The following NDE1 variants were observed in gnomAD, a reference collection of about 807,000 sequenced individuals.
The protein encoded by NDE1 is nudE neurodevelopment protein 1.
Under a neutral mutation model 43.4 loss-of-function variants are expected in NDE1, and 28 were observed. The observed-to-expected ratio is 0.65, with a 90% CI of 0.48 to 0.89. The LOEUF is 0.89. Ranked by LOEUF, NDE1 falls within the 40% of genes least tolerant of loss-of-function variation. NDE1 has a pLI of 0.00. For missense variants in NDE1, 441 were observed against 434.1 expected (o/e 1.02, Z -0.14); for synonymous variants, 184 against 172.0 (o/e 1.07, Z -0.55).
At chr16:15,677,708 C>T (rs147008245) in intron 3 of NDE1, 93 bp from the exon 4 acceptor site, 26 of 1,435,356 alleles carry the variant, frequency 1.8e-5, no homozygotes, top group East Asian at 9.2e-5. Flanking sequence ...TTTAGCCTCC[C>T]GAGTAGCTGT....
intron 3 of NDE1, among the ~76,000 whole-genome samples, 188 bp downstream of exon 3, chr16:15,667,627 GTTTTGTTTTT>G (rs1469430196): frequency 5.9e-4 from 67 of 113,144 alleles, no homozygotes; most frequent in African/African-American, 2.3e-3. Context: ...GGTGCTTTTT[GTTTTGTTTTT>G]TTTTTTTTTT....
chr16:15,694,352 TC>T (rs1188377438), intron 7 of NDE1, 96 bp downstream of exon 7: 136 of 1,550,566 alleles, frequency 8.8e-5, no homozygotes, highest in Middle Eastern at 7.6e-4. Flanking sequence ...CTTCTTTTTT[TC>T]TTTTTTTTTA....
At chr16:15,650,636 G>T (rs528980283) in intron 1 of NDE1, among the ~76,000 whole-genome samples, 1 of 152,264 alleles carries the variant, frequency 6.6e-6, no homozygotes, top group African/African-American at 2.4e-5. Flanking sequence ...CTCCTTCCGG[G>T]ACTTCCTGGG....
At chr16:15,705,596 T>C (rs1465905898) in intron 8 of NDE1, among the ~76,000 whole-genome samples, 5 of 152,110 alleles carry the variant, frequency 3.3e-5, no homozygotes, top group African/African-American at 1.2e-4. Flanking sequence ...TTTTAGGACA[T>C]CAAAGAAGAG....
At chr16:15,694,628 A>G in intron 7 of NDE1, 2 of 985,292 alleles carry the variant, frequency 2.0e-6, no homozygotes, top group Non-Finnish European at 2.4e-6. Flanking sequence ...GATTACAGGC[A>G]TGAGCCAATG....
intron 7 of NDE1, chr16:15,695,683 A>G: frequency 2.0e-6 from 2 of 985,356 alleles, no homozygotes; most frequent in Non-Finnish European, 2.4e-6. Context: ...CACTGTACAC[A>G]GTGTATTTGT....
chr16:15,721,304 A>G, intron 8 of NDE1: 1 of 1,244,912 alleles, frequency 8.0e-7, no homozygotes, highest in South Asian at 1.2e-5. Context: ...ACCTCCTTCC[A>G]TTTCCGATGA....
At chr16:15,652,126 C>G (rs1343610811) in intron 1 of NDE1, 1 of 152,212 alleles carries the variant, frequency 6.6e-6, no homozygotes, top group African/African-American at 2.4e-5. Flanking sequence ...TCTCAAACTT[C>G]TGACCTCGTG....
chr16:15,719,121 C>CT (rs1334477088), intron 8 of NDE1: 13 of 1,219,460 alleles, frequency 1.1e-5, no homozygotes, highest in Admixed American at 3.8e-5. Flanking sequence ...GAATGAAACT[C>CT]TGTCTCGAAA....
upstream of NDE1, among the ~76,000 whole-genome samples, chr16:15,648,197 C>T (rs887619364): frequency 2.0e-5 from 3 of 151,970 alleles, no homozygotes; most frequent in Admixed American, 6.6e-5. Context: ...AAGCATTTAT[C>T]CTTTCTTTGT....
rs1005039470 is a variant in NDE1 at position 15,724,395 on chromosome 16, C to A, written c.*144C>A. 2 of 1,613,890 alleles carry A rather than the reference C, an allele frequency of 1.2e-6. No individual in the cohort carries two copies. The highest frequency in any genetic ancestry group is 2.7e-5 in the African/African-American group (2 of 74,902). On this transcript the variant is annotated 3_prime_UTR_variant, in exon 9 of 9. Transcript: ENST00000396354. ...TGCTGGCAAAGTCCTGCAGCTTCTTCTTCGAGTCGGAGAGCTACAAGGACA... is the reference window on the plus strand; with the variant it reads ...TGCTGGCAAAGTCCTGCAGCTTCTTATTCGAGTCGGAGAGCTACAAGGACA...
At chr16:15,685,890 A>C (rs2151097012) in intron 4 of NDE1, among the ~76,000 whole-genome samples, 1 of 152,086 alleles carries the variant, frequency 6.6e-6, no homozygotes, top group South Asian at 2.1e-4. Context: ...CAATAATAAA[A>C]ATTGCTGAAA....
At chr16:15,656,156 A>T (rs1002712888) in intron 1 of NDE1, among the ~76,000 whole-genome samples, 1 of 151,702 alleles carries the variant, frequency 6.6e-6, no homozygotes, top group Non-Finnish European at 1.5e-5. Flanking sequence ...AAAAAAAAAG[A>T]TTGCTGTTTT....
chr16:15,664,888 T>A, intron 2 of NDE1, 27 bp downstream of exon 2: 3 of 207,014 alleles, frequency 1.4e-5, no homozygotes, highest in Non-Finnish European at 2.3e-5. Flanking sequence ...CTGCTTTTCC[T>A]TTTTTTTTTT....
chr16:15,724,304 A>C lies in NDE1; in HGVS notation c.*53A>C. 1 of 1,613,954 alleles carries C rather than the reference A, an allele frequency of 6.2e-7. No individual in the cohort carries two copies. Among genetic ancestry groups the C allele is most frequent in the Non-Finnish European group, 8.5e-7 (1 of 1,180,002 alleles). ...TCATAAGCGGCCGCCTTCTCCTCGT[A>C]CTGCTGGGTGAGGTTCTCGATCTCC... On this transcript the variant is annotated 3_prime_UTR_variant, in exon 9 of 9. Transcript: ENST00000396354.
intron 8 of NDE1, among the ~76,000 whole-genome samples, chr16:15,722,279 A>G (rs1567697267): frequency 6.6e-6 from 1 of 152,214 alleles, no homozygotes; most frequent in Admixed American, 6.5e-5. Context: ...ACAAGTAGCT[A>G]TTAATATCTT....
At chr16:15,658,077 C>T (rs1287374246) in intron 1 of NDE1, among the ~76,000 whole-genome samples, 2 of 152,104 alleles carry the variant, frequency 1.3e-5, no homozygotes, top group East Asian at 3.9e-4. Context: ...TTGTCAGGAC[C>T]CAGGCTCTCC....
chr16:15,721,063 GC>G lies in NDE1; in HGVS notation c.948-3127del. On this transcript the variant is annotated intron_variant, in intron 8 of 8. Transcript: ENST00000396354. ...TCCAGCTCATGGACCTGCCGGCAGA[GC>G]GGGCAGCCCCATTCTATGAGGCTCA... 1.2e-6 allele frequency: 2 copies of G among 1,613,554 alleles called. No homozygotes were observed. Among genetic ancestry groups the G allele is most frequent in the Non-Finnish European group, 1.7e-6 (2 of 1,179,954 alleles).
chr16:15,706,191 C>T (rs1259606042), intron 8 of NDE1, among the ~76,000 whole-genome samples: 1 of 152,132 alleles, frequency 6.6e-6, no homozygotes, highest in Admixed American at 6.6e-5. Context: ...ACTCCTAGCC[C>T]AGCTTCACAG....
Sources: gnomAD v4.1 joint callset for allele counts (sites outside exome capture counted in the v4.1 genomes callset) on GRCh38, gnomAD v4.1.1 for gene constraint, MANE v1.5 for transcripts, NCBI Gene and HGNC (gene_info 2026-07-23, HGNC 2026-07-21) for gene names.